EYS: variants seen among roughly 807,000 people sequenced by gnomAD.
The protein encoded by EYS is protein eyes shut homolog.
In EYS, 250 loss-of-function variants were observed where a neutral mutation model predicts 282.1. That is an observed-to-expected ratio of 0.89 (90% CI 0.80 to 0.98). EYS has a LOEUF of 0.98. Ranked by LOEUF, EYS falls within the 50% of genes least tolerant of loss-of-function variation. The probability of loss-of-function intolerance (pLI) is 0.00; values close to 1 mark genes in which losing one functional copy is unlikely to be tolerated. For synonymous variants in EYS, 1,355 were observed against 1,282.9 expected (o/e 1.06, Z -1.20); for missense variants, 4,016 against 3,709.0 (o/e 1.08, Z -2.15).
At chr6:65,254,286 T>C (rs926361253) in intron 12 of EYS, among the ~76,000 whole-genome samples, 3 of 151,718 alleles carry the variant, frequency 2.0e-5, no homozygotes, top group Non-Finnish European at 4.4e-5. Flanking sequence ...TGATGAGATA[T>C]TTTGGGGGAT....
chr6:64,204,037 G>A (rs760954072), intron 31 of EYS, among the ~76,000 whole-genome samples: 7 of 151,980 alleles, frequency 4.6e-5, no homozygotes, highest in Non-Finnish European at 1.0e-4. Flanking sequence ...AATCACATTT[G>A]ACTATATATG....
chr6:65,457,872 G>C (rs1005654390), intron 5 of EYS, among the ~76,000 whole-genome samples: 1 of 152,134 alleles, frequency 6.6e-6, no homozygotes, highest in Non-Finnish European at 1.5e-5. Context: ...ATGGCCCACA[G>C]TAGTAGCCAT....
intron 22 of EYS, among the ~76,000 whole-genome samples, chr6:64,766,748 C>T (rs1471095920): frequency 7.2e-6 from 1 of 138,828 alleles, no homozygotes; most frequent in East Asian, 2.1e-4. Context: ...ATTTCACAGA[C>T]AAACTTAGAG....
chr6:65,460,525 C>A (rs947979546), intron 5 of EYS, among the ~76,000 whole-genome samples: 4 of 151,802 alleles, frequency 2.6e-5, no homozygotes, highest in African/African-American at 9.7e-5. Context: ...TATGACCAGG[C>A]CAGTTGAAAA....
chr6:64,990,520 C>A (rs1771028960), intron 14 of EYS, among the ~76,000 whole-genome samples: 1 of 151,474 alleles, frequency 6.6e-6, no homozygotes, highest in Admixed American at 6.6e-5. Flanking sequence ...AAAATAAATT[C>A]ATTTCTTTAT....
intron 29 of EYS, among the ~76,000 whole-genome samples, chr6:64,356,567 A>G (rs1315527902): frequency 6.6e-6 from 1 of 151,660 alleles, no homozygotes; most frequent in Non-Finnish European, 1.5e-5. Flanking sequence ...GTCTGGGCTT[A>G]GTAACACACT....
intron 30 of EYS, among the ~76,000 whole-genome samples, chr6:64,259,650 G>GCGCACACACA (rs140354088): frequency 0.017 from 2,520 of 145,686 alleles, 16 homozygotes; most frequent in East Asian, 0.031. Context: ...TTACACACGC[G>GCGCACACACA]CACACACACA....
At chr6:64,218,717 T>C (rs1419632736) in intron 31 of EYS, among the ~76,000 whole-genome samples, 1 of 152,176 alleles carries the variant, frequency 6.6e-6, no homozygotes, top group Non-Finnish European at 1.5e-5. Context: ...AAATGGAAAC[T>C]GGGGCCTGCT....
At chr6:65,668,378 T>C (rs1299292278) in intron 1 of EYS, among the ~76,000 whole-genome samples, 1 of 151,862 alleles carries the variant, frequency 6.6e-6, no homozygotes, top group Non-Finnish European at 1.5e-5. Flanking sequence ...TTATTTTATA[T>C]TGGGTCTTGG....
At chr6:65,266,136 G>T (rs995056677) in intron 12 of EYS, among the ~76,000 whole-genome samples, 1 of 151,692 alleles carries the variant, frequency 6.6e-6, no homozygotes, top group Admixed American at 6.6e-5. Flanking sequence ...ATTTTATTTT[G>T]CAGTGTACCA....
At chr6:65,651,348 C>T (rs979870266) in intron 1 of EYS, among the ~76,000 whole-genome samples, 1 of 151,784 alleles carries the variant, frequency 6.6e-6, no homozygotes, top group Non-Finnish European at 1.5e-5. Context: ...AAAATATAGG[C>T]TTGTAAGAGA....
At chr6:64,535,479 T>C (rs1764489233) in intron 26 of EYS, among the ~76,000 whole-genome samples, 1 of 151,964 alleles carries the variant, frequency 6.6e-6, no homozygotes, top group Non-Finnish European at 1.5e-5. Context: ...GGCTCACGCC[T>C]ATAATCACAG....
At chr6:63,995,969 G>A (rs1207367063) in intron 34 of EYS, among the ~76,000 whole-genome samples, 1 of 151,838 alleles carries the variant, frequency 6.6e-6, no homozygotes, top group African/African-American at 2.4e-5. Flanking sequence ...ACAAAGAAAT[G>A]ATAAATATTT....
intron 13 of EYS, among the ~76,000 whole-genome samples, chr6:65,029,418 C>T (rs777325134): frequency 2.6e-5 from 4 of 152,050 alleles, no homozygotes; most frequent in Non-Finnish European, 5.9e-5. Context: ...TACACATGCA[C>T]ACATATACAC....
intron 13 of EYS, among the ~76,000 whole-genome samples, chr6:65,003,106 T>G (rs116534947): frequency 0.041 from 6,052 of 147,870 alleles, 767 homozygotes; most frequent in Middle Eastern, 0.072. Flanking sequence ...AACCTTGAAC[T>G]CTGACCGCCG....
intron 1 of EYS, among the ~76,000 whole-genome samples, chr6:65,699,108 G>A (rs1769562491): frequency 6.6e-6 from 1 of 152,052 alleles, no homozygotes; most frequent in Admixed American, 6.6e-5. Flanking sequence ...GTTAACAATG[G>A]CACTTGATTC....
At chr6:64,768,099 A>G (rs1773409867) in intron 22 of EYS, among the ~76,000 whole-genome samples, 1 of 152,176 alleles carries the variant, frequency 6.6e-6, no homozygotes. Flanking sequence ...TTAACATGAA[A>G]TAAAATTTAA....
intron 12 of EYS, among the ~76,000 whole-genome samples, chr6:65,109,667 A>AAC (rs1199675143): frequency 2.0e-5 from 3 of 151,928 alleles, no homozygotes; most frequent in Admixed American, 6.6e-5. Context: ...TAAAAAAAAA[A>AAC]AAAACACCTT....
chr6:65,353,156 A>G (rs1764351468), intron 9 of EYS, among the ~76,000 whole-genome samples: 1 of 151,946 alleles, frequency 6.6e-6, no homozygotes. Context: ...ATAAAATTAC[A>G]TAGTTATCAC....
Sources: allele counts gnomAD v4.1 joint callset (sites outside exome capture counted in the v4.1 genomes callset), GRCh38; gene constraint gnomAD v4.1.1; transcripts MANE v1.5; gene names NCBI Gene and HGNC (gene_info 2026-07-23, HGNC 2026-07-21).